The following TMEM132B variants were observed in gnomAD, a reference collection of about 807,000 sequenced individuals.
TMEM132B encodes transmembrane protein 132B.
In TMEM132B, 18 loss-of-function variants were observed where a neutral mutation model predicts 90.8. That is an observed-to-expected ratio of 0.20 (90% confidence interval 0.14 to 0.29). TMEM132B has a LOEUF of 0.29. Ranked by LOEUF, TMEM132B falls within the 10% of genes least tolerant of loss-of-function variation. TMEM132B has a pLI of 1.00. For synonymous variants in TMEM132B, 504 were observed against 523.3 expected, an observed-to-expected ratio of 0.96 and a Z score of 0.50; for missense variants, 1,096 against 1,326.8, an observed-to-expected ratio of 0.83 and a Z score of 2.70.
intron 4 of TMEM132B, among the ~76,000 whole-genome samples, chr12:125,552,355 C>A (rs533824173): frequency 1.7e-3 from 259 of 152,166 alleles, no homozygotes; most frequent in Non-Finnish European, 3.1e-3. Context: ...AGTGGCCACA[C>A]GTTTTCTAGG....
At chr12:125,268,611 G>A (rs1874749978) in intron 1 of TMEM132B, among the ~76,000 whole-genome samples, 12 of 152,172 alleles carry the variant, frequency 7.9e-5, no homozygotes, top group Admixed American at 7.9e-4. Flanking sequence ...AAGTAATATA[G>A]TGTGTGTGTA....
At chr12:125,265,666 C>T (rs1262927698) in intron 1 of TMEM132B, among the ~76,000 whole-genome samples, 1 of 152,068 alleles carries the variant, frequency 6.6e-6, no homozygotes, top group Non-Finnish European at 1.5e-5. Context: ...CACACAGCAC[C>T]CTCCTTGACC....
chr12:125,618,658 A>G (rs1194919616), intron 5 of TMEM132B, among the ~76,000 whole-genome samples: 1 of 152,106 alleles, frequency 6.6e-6, no homozygotes, highest in Non-Finnish European at 1.5e-5. Context: ...TGGTTAAACC[A>G]GTATCCTTTA....
intron 3 of TMEM132B, among the ~76,000 whole-genome samples, chr12:125,416,012 G>T (rs1179886219): frequency 6.6e-6 from 1 of 152,210 alleles, no homozygotes; most frequent in Non-Finnish European, 1.5e-5. Context: ...TTAGCTATTG[G>T]ACATTCGTCC....
At chr12:125,496,224 G>A (rs778108454) in intron 3 of TMEM132B, among the ~76,000 whole-genome samples, 2 of 152,096 alleles carry the variant, frequency 1.3e-5, no homozygotes, top group Non-Finnish European at 2.9e-5. Context: ...GTAAGACTTC[G>A]TAATTTAGCC....
At chr12:125,622,517 C>T in intron 5 of TMEM132B, 1 of 982,188 alleles carries the variant, frequency 1.0e-6, no homozygotes, top group Non-Finnish European at 1.2e-6. Flanking sequence ...AGGTGTAGAT[C>T]CTGCAGACTG....
chr12:125,278,885 C>T (rs11058118), intron 1 of TMEM132B, among the ~76,000 whole-genome samples: 23,999 of 152,156 alleles, frequency 0.16, 2,416 homozygotes, highest in African/African-American at 0.28. Flanking sequence ...GAATTTCCCT[C>T]TCTGAAGACC....
intron 5 of TMEM132B, chr12:125,585,816 T>G (rs1885167350): frequency 6.6e-6 from 1 of 152,222 alleles, no homozygotes; most frequent in South Asian, 2.1e-4. Flanking sequence ...AGGATGGGGA[T>G]TCGTCTAACA....
intron 3 of TMEM132B, among the ~76,000 whole-genome samples, chr12:125,438,958 C>A (rs1189966617): frequency 6.6e-6 from 1 of 152,168 alleles, no homozygotes; most frequent in Non-Finnish European, 1.5e-5. Flanking sequence ...AATTTATTTT[C>A]CCATTCTTCT....
At chr12:125,534,759 C>T (rs930427786) in intron 4 of TMEM132B, among the ~76,000 whole-genome samples, 10 of 151,670 alleles carry the variant, frequency 6.6e-5, no homozygotes, top group South Asian at 4.2e-4. Flanking sequence ...TAGTTACATC[C>T]GCTCTTTCAG....
At chr12:125,373,789 T>A (rs1878382385) in intron 2 of TMEM132B, among the ~76,000 whole-genome samples, 1 of 152,170 alleles carries the variant, frequency 6.6e-6, no homozygotes, top group Admixed American at 6.5e-5. Context: ...AAGAGCACAG[T>A]TGTTTTTTGT....
intron 4 of TMEM132B, among the ~76,000 whole-genome samples, chr12:125,545,990 T>C (rs764350072): frequency 1.3e-5 from 2 of 152,218 alleles, no homozygotes; most frequent in East Asian, 1.9e-4. Context: ...GCATAACTTA[T>C]ATATAATACA....
intron 1 of TMEM132B, among the ~76,000 whole-genome samples, chr12:125,245,059 G>GAC (rs1187718914): frequency 6.6e-6 from 1 of 152,126 alleles, no homozygotes; most frequent in African/African-American, 2.4e-5. Flanking sequence ...ATTTACCCAG[G>GAC]ACGAGAGCAA....
intron 3 of TMEM132B, among the ~76,000 whole-genome samples, chr12:125,452,005 A>C (rs1881166317): frequency 6.6e-6 from 1 of 152,210 alleles, no homozygotes; most frequent in South Asian, 2.1e-4. Context: ...GGCTTCTTCC[A>C]CTTTGTGGGC....
chr12:125,608,109 A>T (rs1410982269), intron 5 of TMEM132B, among the ~76,000 whole-genome samples: 1 of 152,146 alleles, frequency 6.6e-6, no homozygotes, highest in South Asian at 2.1e-4. Flanking sequence ...TATACTTAGG[A>T]GTGGAATTTC....
At chr12:125,358,066 T>C (rs1023583982) in intron 2 of TMEM132B, among the ~76,000 whole-genome samples, 1 of 152,156 alleles carries the variant, frequency 6.6e-6, no homozygotes, top group African/African-American at 2.4e-5. Context: ...GGCATATCTT[T>C]GGTTTGCCTT....
intron 1 of TMEM132B, among the ~76,000 whole-genome samples, chr12:125,230,567 G>A (rs561972864): frequency 1.3e-5 from 2 of 151,828 alleles, no homozygotes; most frequent in African/African-American, 4.8e-5. Flanking sequence ...TGCAAGCTCC[G>A]CCTCCTGGGT....
At chr12:125,475,940 G>A (rs1881864642) in intron 3 of TMEM132B, among the ~76,000 whole-genome samples, 1 of 152,186 alleles carries the variant, frequency 6.6e-6, no homozygotes, top group Non-Finnish European at 1.5e-5. Flanking sequence ...TTGAGCATAA[G>A]AGTGTGAAAT....
chr12:125,280,004 A>G (rs537223575), intron 1 of TMEM132B, among the ~76,000 whole-genome samples: 14 of 152,288 alleles, frequency 9.2e-5, no homozygotes, highest in Non-Finnish European at 1.9e-4. Context: ...TATTACTTTT[A>G]TCCCTCAGTT....
Sources: allele counts gnomAD v4.1 joint callset (sites outside exome capture counted in the v4.1 genomes callset), GRCh38; gene constraint gnomAD v4.1.1; transcripts MANE v1.5; gene names NCBI Gene and HGNC (gene_info 2026-07-23, HGNC 2026-07-21).